IFT74: variants seen among roughly 807,000 people sequenced by gnomAD.
IFT74 encodes intraflagellar transport protein 74 homolog.
In IFT74, 92 loss-of-function variants were observed where a neutral mutation model predicts 96.7. The ratio of observed to expected loss-of-function variants is 0.95; its 90% CI spans 0.80 to 1.13. The LOEUF (loss-of-function observed/expected upper bound fraction) is 1.13. IFT74 is among the 50% of genes most tolerant of loss of function. The pLI is 0.00. For synonymous variants in IFT74, 223 were observed against 213.2 expected (o/e 1.05, Z -0.40); for missense variants, 811 against 698.2 (o/e 1.16, Z -1.82).
In IFT74 at chr9:26,979,703, C is replaced by CTTTTT. The variant is rs951706952; in HGVS notation, c.257-845_257-841dup. On this transcript the variant is annotated intron_variant, in intron 3 of 19. Transcript: ENST00000380062. Reference sequence around the variant, plus strand: ...GAGACATTTAACCTAGGAACACTTTCTTTTTTTTTTTTTTTTTTTTTTTTT... The same window carrying CTTTTT: ...GAGACATTTAACCTAGGAACACTTTCTTTTTTTTTTTTTTTTTTTTTTTTTTTTTT... 1.9e-4 allele frequency among the ~76,000 whole-genome samples: 14 copies of CTTTTT among 75,456 alleles called. 1 individual carries two copies. Among genetic ancestry groups the CTTTTT allele is most frequent in the East Asian group, 1.0e-3 (2 of 1,940 alleles). 49.5% of individuals were successfully genotyped at this position (75,456 alleles called of 152,430 possible).
intron 2 of IFT74, among the ~76,000 whole-genome samples, chr9:26,967,044 CTT>C (rs774615807): frequency 7.0e-6 from 1 of 143,854 alleles, no homozygotes; most frequent in Non-Finnish European, 1.5e-5. Context: ...TTTTCTTTTC[CTT>C]TTTTTTTTAA....
At chr9:27,029,667 T>G (rs1563987414) in intron 13 of IFT74, among the ~76,000 whole-genome samples, 2 of 152,200 alleles carry the variant, frequency 1.3e-5, no homozygotes, top group Admixed American at 1.3e-4. Flanking sequence ...GAGAATCACT[T>G]GAACTCGGAG....
intron 14 of IFT74, 88 bp downstream of exon 14, chr9:27,044,883 T>C: frequency 1.5e-6 from 1 of 680,890 alleles, no homozygotes; most frequent in Non-Finnish European, 2.4e-6. Context: ...TTTGGGCAGA[T>C]ATAATGGCTA....
intron 2 of IFT74, among the ~76,000 whole-genome samples, chr9:26,975,431 G>C (rs1385958247): frequency 6.6e-6 from 1 of 152,160 alleles, no homozygotes; most frequent in African/African-American, 2.4e-5. Context: ...GGAAAACTGA[G>C]GGTTTGAGGA....
chr9:26,998,719 C>T (rs865886975), intron 8 of IFT74, among the ~76,000 whole-genome samples: 2 of 151,934 alleles, frequency 1.3e-5, no homozygotes, highest in African/African-American at 4.8e-5. Flanking sequence ...CATGGTGGCT[C>T]ACGCCTGTAA....
intron 9 of IFT74, among the ~76,000 whole-genome samples, chr9:27,010,526 G>A (rs1383414624): frequency 1.5e-5 from 2 of 136,554 alleles, no homozygotes; most frequent in African/African-American, 2.8e-5. Flanking sequence ...GTTTCGCTCT[G>A]TCGCCCGGGC....
At chr9:27,045,803 T>G (rs913588299) in intron 14 of IFT74, among the ~76,000 whole-genome samples, 5 of 152,316 alleles carry the variant, frequency 3.3e-5, no homozygotes, top group African/African-American at 1.2e-4. Flanking sequence ...TATTTTACAA[T>G]GTACCAAGTT....
At chr9:27,031,438 G>A (rs1215160824) in intron 13 of IFT74, among the ~76,000 whole-genome samples, 1 of 151,674 alleles carries the variant, frequency 6.6e-6, no homozygotes, top group Non-Finnish European at 1.5e-5. Context: ...CTATGCTCCA[G>A]CCTGGGTGAC....
intron 13 of IFT74, among the ~76,000 whole-genome samples, chr9:27,043,236 C>T (rs1194144193): frequency 6.6e-6 from 1 of 152,106 alleles, no homozygotes; most frequent in East Asian, 1.9e-4. Flanking sequence ...CTTTTTACTA[C>T]CAGTAATATT....
At chr9:27,002,909 C>G (rs901467738) in intron 8 of IFT74, among the ~76,000 whole-genome samples, 1 of 152,126 alleles carries the variant, frequency 6.6e-6, no homozygotes, top group Non-Finnish European at 1.5e-5. Context: ...TGTTCTTCCA[C>G]TCCATGAACA....
At chr9:27,039,172 C>T (rs749983282) in intron 13 of IFT74, among the ~76,000 whole-genome samples, 7 of 152,042 alleles carry the variant, frequency 4.6e-5, no homozygotes, top group Admixed American at 4.6e-4. Context: ...GAGAGAAAAG[C>T]GACAGTTTAT....
chr9:26,955,854 AG>A (rs1218506943), upstream of IFT74: 1 of 151,004 alleles, frequency 6.6e-6, no homozygotes, highest in Non-Finnish European at 1.5e-5. Context: ...AAAAAAAAAA[AG>A]GACACTTTCC....
Position 27,029,518 on chromosome 9 carries a change from C to T in IFT74, c.1054+414C>T, listed in dbSNP as rs537573262. ...ATCCCAGCATTTTGGGAAGCTGAGG[C>T]GGGCAGATCATCGGAGGTCGGGAGT... On this transcript the variant is annotated intron_variant, in intron 13 of 19. Transcript: ENST00000380062. Among the ~76,000 whole-genome samples the T allele has an allele frequency of 1.2e-3, 185 of 151,954 alleles. 3 individuals are homozygous for T. The South Asian group carries it at 0.022, about 18-fold the overall frequency.
At chr9:27,011,721 T>C (rs943768438) in intron 9 of IFT74, among the ~76,000 whole-genome samples, 185 bp from the exon 10 acceptor site, 4 of 150,788 alleles carry the variant, frequency 2.7e-5, no homozygotes, top group African/African-American at 9.8e-5. Context: ...ATAGAAATAA[T>C]GAAGTGTTAA....
intron 13 of IFT74, among the ~76,000 whole-genome samples, chr9:27,044,423 T>C (rs1819603803): frequency 6.6e-6 from 1 of 152,212 alleles, no homozygotes; most frequent in South Asian, 2.1e-4. Context: ...GCTGGTGATC[T>C]TTCAAAGATG....
At chr9:26,961,312 C>T (rs10757638) in intron 1 of IFT74, among the ~76,000 whole-genome samples, 1 of 151,998 alleles carries the variant, frequency 6.6e-6, no homozygotes, top group Non-Finnish European at 1.5e-5. Flanking sequence ...GGATGGTCTC[C>T]ATCTGCTGAC....
intron 12 of IFT74, 163 bp from the exon 13 acceptor site, chr9:27,028,862 A>T (rs1035180868): frequency 3.7e-6 from 2 of 545,816 alleles, no homozygotes; most frequent in Non-Finnish European, 6.1e-6. Context: ...TTTGTAAAAG[A>T]TATCCTAATG....
intron 1 of IFT74, among the ~76,000 whole-genome samples, chr9:26,961,086 T>TG (rs1460750023): frequency 6.7e-6 from 1 of 148,330 alleles, no homozygotes; most frequent in Non-Finnish European, 1.5e-5. Context: ...GAATCTTGTT[T>TG]TTTTTTTTTT....
chr9:26,956,043 T>A (rs1408439216), upstream of IFT74: 3 of 152,078 alleles, frequency 2.0e-5, no homozygotes, highest in Non-Finnish European at 4.4e-5. Flanking sequence ...TACCACAAAT[T>A]AGGAGTTTAG....
Sources: gnomAD v4.1 joint callset for allele counts (sites outside exome capture counted in the v4.1 genomes callset) on GRCh38, gnomAD v4.1.1 for gene constraint, MANE v1.5 for transcripts, NCBI Gene and HGNC (gene_info 2026-07-23, HGNC 2026-07-21) for gene names.